ESR1: variants seen among roughly 807,000 people sequenced by gnomAD.
The protein encoded by ESR1 is estrogen receptor 1, also known as estrogen receptor.
ESR1 carries 12 observed loss-of-function variants against 52.7 expected under a neutral mutation model. The ratio of observed to expected loss-of-function variants is 0.23; its 90% CI spans 0.15 to 0.37. The LOEUF (loss-of-function observed/expected upper bound fraction) is 0.37. Among genes scored for constraint, ESR1 ranks in the 10% least tolerant of loss-of-function variants. The probability of loss-of-function intolerance (pLI) is 1.00; values close to 1 mark genes in which losing one functional copy is unlikely to be tolerated. For missense variants in ESR1, 584 were observed against 779.7 expected (o/e 0.75, Z 2.99); for synonymous variants, 305 against 316.8 (o/e 0.96, Z 0.39).
At chr6:151,932,885 T>C (rs2033856593) in intron 3 of ESR1, among the ~76,000 whole-genome samples, 1 of 147,462 alleles carries the variant, frequency 6.8e-6, no homozygotes, top group South Asian at 2.2e-4. Context: ...AGTCAGGTAG[T>C]GTGATGCCTC....
At chr6:151,914,630 A>G (rs949800535) in intron 3 of ESR1, among the ~76,000 whole-genome samples, 1 of 152,200 alleles carries the variant, frequency 6.6e-6, no homozygotes, top group Admixed American at 6.5e-5. Flanking sequence ...GAGTATGGAC[A>G]TTGGGATTAG....
rs534330747 is a variant in ESR1 at position 151,739,735 on chromosome 6, G to A, written c.-71+37730G>A. On this transcript the variant is annotated intron_variant, in intron 2 of 2. Coordinates refer to the ESR1 transcript ENST00000404742. Reference sequence around the variant, plus strand: ...TTTATTTCATCTTGTTGGCCCCATTGTGTATGCTCTAAGTTCATTTTGGAC... The same window carrying A: ...TTTATTTCATCTTGTTGGCCCCATTATGTATGCTCTAAGTTCATTTTGGAC... 2.0e-5 allele frequency among the ~76,000 whole-genome samples: 3 copies of A among 152,288 alleles called. No homozygotes were observed. The South Asian group carries it at 6.2e-4, about 32-fold the overall frequency.
chr6:152,001,760 A>G (rs1460032553), intron 4 of ESR1, among the ~76,000 whole-genome samples: 5 of 151,920 alleles, frequency 3.3e-5, no homozygotes, highest in African/African-American at 7.2e-5. Flanking sequence ...ACTGAAATGA[A>G]TTTTTCTCCT....
intron 4 of ESR1, among the ~76,000 whole-genome samples, chr6:151,949,461 C>T (rs1362143122): frequency 1.3e-5 from 2 of 152,178 alleles, no homozygotes; most frequent in Non-Finnish European, 2.9e-5. Context: ...GTTGTGGTGT[C>T]CAGCATGCTT....
intron 5 of ESR1, among the ~76,000 whole-genome samples, chr6:152,016,123 G>C (rs1562674098): frequency 6.6e-6 from 1 of 152,090 alleles, no homozygotes. Flanking sequence ...GAGTCCCCCT[G>C]CACAAGCTCT....
At chr6:151,894,792 TTATAG>T (rs1211727113) in intron 3 of ESR1, among the ~76,000 whole-genome samples, 3 of 152,190 alleles carry the variant, frequency 2.0e-5, no homozygotes, top group Admixed American at 1.3e-4. Flanking sequence ...GACTATGGCC[TTATAG>T]TATAGTTTGA....
At position 152,011,645 on chromosome 6, in the gene ESR1, CTT is replaced by C. The variant is rs1562667237; in HGVS notation, c.1097-10_1097-9del. 1 of 1,612,994 alleles carries C rather than the reference CTT, an allele frequency of 6.2e-7. No homozygotes were observed. Among genetic ancestry groups the C allele is most frequent in the African/African-American group, 1.3e-5 (1 of 74,930 alleles). On this transcript the variant is annotated splice_polypyrimidine_tract_variant and intron_variant, in intron 4 of 7. Transcript: ENST00000206249. ...ATTTGAGTCAGCAGGGTTTTTCTTG[CTT>C]GTTTTCAGGCTTTGTGGATTTGACC... is the stretch of plus-strand genomic sequence containing the variant.
At chr6:151,850,826 C>T (rs1786549742) in intron 2 of ESR1, among the ~76,000 whole-genome samples, 1 of 152,202 alleles carries the variant, frequency 6.6e-6, no homozygotes, top group Non-Finnish European at 1.5e-5. Flanking sequence ...TCCTTAAATG[C>T]ATTTTCATCC....
intron 5 of ESR1, among the ~76,000 whole-genome samples, chr6:152,032,483 C>G (rs1202782445): frequency 6.6e-6 from 1 of 152,156 alleles, no homozygotes; most frequent in Non-Finnish European, 1.5e-5. Context: ...CACAGGCATT[C>G]TTATACACCA....
intron 3 of ESR1, among the ~76,000 whole-genome samples, chr6:151,897,643 C>G (rs188186487): frequency 3.9e-5 from 6 of 152,296 alleles, no homozygotes; most frequent in Non-Finnish European, 8.8e-5. Flanking sequence ...TTCTGCAATT[C>G]TGTATCTTTT....
chr6:151,975,056 A>T (rs562990130), intron 4 of ESR1, among the ~76,000 whole-genome samples: 299 of 152,248 alleles, frequency 2.0e-3, no homozygotes, highest in Non-Finnish European at 3.1e-3. Flanking sequence ...TGAGGCTGGG[A>T]TGTTACTGTA....
intron 6 of ESR1, among the ~76,000 whole-genome samples, chr6:152,093,694 C>T (rs943844606): frequency 5.3e-5 from 8 of 152,088 alleles, no homozygotes; most frequent in Admixed American, 2.0e-4. Context: ...TAAAAAACAG[C>T]GGTTTTCAAG....
At chr6:151,774,770 G>A (rs528945567) in intron 2 of ESR1, among the ~76,000 whole-genome samples, 150 of 152,290 alleles carry the variant, frequency 9.8e-4, no homozygotes, top group Non-Finnish European at 7.2e-4. Flanking sequence ...AACAGAATTA[G>A]CTGATTAGGT....
intron 5 of ESR1, among the ~76,000 whole-genome samples, chr6:152,056,509 AC>A (rs1189022795): frequency 6.6e-6 from 1 of 152,136 alleles, no homozygotes; most frequent in East Asian, 1.9e-4. Context: ...TGATCTGTAC[AC>A]CCTCGTTAGA....
intron 5 of ESR1, among the ~76,000 whole-genome samples, chr6:152,028,108 C>T (rs1437886248): frequency 6.6e-6 from 1 of 152,124 alleles, no homozygotes; most frequent in African/African-American, 2.4e-5. Context: ...CACGCCATTG[C>T]ACTCCAGCCT....
At chr6:151,714,358 G>T (rs1400708682) in intron 2 of ESR1, among the ~76,000 whole-genome samples, 1 of 152,124 alleles carries the variant, frequency 6.6e-6, no homozygotes, top group African/African-American at 2.4e-5. Flanking sequence ...AGGTCTGCTT[G>T]GTCCAGAGGT....
chr6:151,741,576 T>C (rs1199010775), intron 2 of ESR1, among the ~76,000 whole-genome samples: 3 of 152,204 alleles, frequency 2.0e-5, no homozygotes, highest in African/African-American at 7.2e-5. Flanking sequence ...TTTGGTGTAT[T>C]TTTTCCAGCT....
intron 2 of ESR1, among the ~76,000 whole-genome samples, chr6:151,849,978 T>TTA (rs66502837): frequency 0.035 from 2,911 of 84,016 alleles, 64 homozygotes; most frequent in African/African-American, 0.05. Context: ...TCCTAGGGAA[T>TTA]TATATATATA....
At chr6:152,093,354 T>C (rs72993664) in intron 6 of ESR1, among the ~76,000 whole-genome samples, 2,697 of 84,252 alleles carry the variant, frequency 0.032, 46 homozygotes, top group South Asian at 0.044. Flanking sequence ...CTCTCTCTCT[T>C]TCTCTCTCTC....
Sources: gnomAD v4.1 joint callset for allele counts (sites outside exome capture counted in the v4.1 genomes callset) on GRCh38, gnomAD v4.1.1 for gene constraint, MANE v1.5 for transcripts, NCBI Gene and HGNC (gene_info 2026-07-23, HGNC 2026-07-21) for gene names.